Variants in RAI1 observed in about 807,000 individuals in gnomAD.
The protein encoded by RAI1 is retinoic acid induced 1, also known as retinoic acid-induced protein 1.
RAI1 carries 9 observed loss-of-function variants against 123.8 expected under a neutral mutation model. The ratio of observed to expected loss-of-function variants is 0.07; its 90% CI spans 0.04 to 0.13. The LOEUF is 0.13. RAI1 is among the 10% of genes least tolerant of loss of function. RAI1 has a pLI of 1.00. For synonymous variants in RAI1, 1,231 were observed against 1,127.3 expected, an observed-to-expected ratio of 1.09 and a Z score of -1.84; for missense variants, 2,256 against 2,545.8, an observed-to-expected ratio of 0.89 and a Z score of 2.45.
rs377013280 is a variant in RAI1 at position 17,809,348 on chromosome 17, C to T, written c.5660-42C>T. ...AGACAAAACCCCACAGCTGTGGGGC[C>T]CCCACCCTGTCCTAACCACCGAAAC... On this transcript the variant is annotated intron_variant, in intron 4 of 5. Transcript: ENST00000353383. The surrounding 1 kb of genome is among the most constrained non-coding windows in gnomAD (Gnocchi z 4.9). 430 of 1,563,244 alleles carry T rather than the reference C, an allele frequency of 2.8e-4. No homozygotes were observed. Among genetic ancestry groups the T allele is most frequent in the Non-Finnish European group, 3.6e-4 (413 of 1,134,174 alleles).
rs769956854 is a variant in RAI1, at chr17:17,794,241, C to G, written c.1293C>G (p.Ser431Arg). The change falls in exon 3 of 6, where the codon AGC becomes AGG. Residue 431 changes from serine to arginine, a missense_variant. By Grantham distance (110) the Ser-to-Arg change is moderately radical. Coordinates refer to ENST00000353383, the MANE Select transcript of RAI1 (RefSeq NM_030665.4). Reference protein sequence around the residue: ...KLPENLLSDLSLQSLTALTSQ... With the variant: ...KLPENLLSDLRLQSLTALTSQ... Reference sequence around the variant, plus strand: ...CTGAGAACCTGCTGTCGGATCTCAGCCTGCAGAGCCTCACGGCGCTGACCT... The same window carrying G: ...CTGAGAACCTGCTGTCGGATCTCAGGCTGCAGAGCCTCACGGCGCTGACCT... 9 of 1,613,392 alleles carry G rather than the reference C, an allele frequency of 5.6e-6. No individual in the cohort carries two copies. The East Asian group carries it at 2.0e-4, about 36-fold the overall frequency.
At chr17:17,775,534 T>TAACACATTTTGTA (rs1555562627) in intron 2 of RAI1, among the ~76,000 whole-genome samples, 28 of 151,712 alleles carry the variant, frequency 1.8e-4, no homozygotes, top group African/African-American at 6.8e-4. Context: ...CCCAGTCAAT[T>TAACACATTTTGTA]AACACACATT....
chr17:17,712,525 G>C (rs1915596157), intron 1 of RAI1, among the ~76,000 whole-genome samples: 1 of 152,212 alleles, frequency 6.6e-6, no homozygotes, highest in African/African-American at 2.4e-5. Flanking sequence ...TATAAGCTTG[G>C]TTTTAAGTCT....
intron 2 of RAI1, among the ~76,000 whole-genome samples, chr17:17,757,521 G>A (rs534808182): frequency 6.6e-6 from 1 of 152,254 alleles, no homozygotes; most frequent in East Asian, 1.9e-4. Flanking sequence ...CTTCCCCCTC[G>A]GGCACTGCGG....
chr17:17,700,824 C>T (rs996503293), intron 1 of RAI1, among the ~76,000 whole-genome samples: 21 of 152,076 alleles, frequency 1.4e-4, no homozygotes, highest in African/African-American at 4.6e-4. Context: ...CTCCCCCGCG[C>T]CGTCCCCCGG....
chr17:17,701,699 A>G (rs534307505), intron 1 of RAI1, among the ~76,000 whole-genome samples: 2 of 151,764 alleles, frequency 1.3e-5, no homozygotes, highest in South Asian at 2.1e-4. Flanking sequence ...GGCTCAAACA[A>G]CCCTCCCACC....
intron 2 of RAI1, among the ~76,000 whole-genome samples, chr17:17,732,297 G>T (rs1916296814): frequency 6.6e-6 from 1 of 152,206 alleles, no homozygotes; most frequent in African/African-American, 2.4e-5. Context: ...TCAGAGAGAG[G>T]CTGTCTGATG....
At chr17:17,697,765 T>TTG (rs931093909) in intron 1 of RAI1, among the ~76,000 whole-genome samples, 6 of 152,204 alleles carry the variant, frequency 3.9e-5, no homozygotes, top group Non-Finnish European at 5.9e-5. Context: ...CAACGTGTGG[T>TTG]TGTGTGTGTG....
chr17:17,716,663 TTCTG>T (rs1197695098), intron 1 of RAI1, among the ~76,000 whole-genome samples: 1 of 152,176 alleles, frequency 6.6e-6, no homozygotes, highest in Non-Finnish European at 1.5e-5. Flanking sequence ...AACTGTGTGA[TTCTG>T]TCTGACTCTG....
chr17:17,733,431 C>T (rs1916331231), intron 2 of RAI1, among the ~76,000 whole-genome samples: 1 of 152,196 alleles, frequency 6.6e-6, no homozygotes, highest in African/African-American at 2.4e-5. Flanking sequence ...TTGGCAATGC[C>T]TGAATACTAA....
At chr17:17,758,721 T>C (rs2030552543) in intron 2 of RAI1, among the ~76,000 whole-genome samples, 1 of 152,150 alleles carries the variant, frequency 6.6e-6, no homozygotes. Flanking sequence ...ATGATCAACG[T>C]ATGTACGAGG....
At chr17:17,703,451 C>G (rs986286194) in intron 1 of RAI1, among the ~76,000 whole-genome samples, 1 of 152,172 alleles carries the variant, frequency 6.6e-6, no homozygotes, top group African/African-American at 2.4e-5. Flanking sequence ...GCAGTGCATT[C>G]TTGTAGCGTC....
intron 2 of RAI1, among the ~76,000 whole-genome samples, chr17:17,739,601 G>T (rs1306821082): frequency 1.3e-5 from 2 of 152,320 alleles, no homozygotes; most frequent in African/African-American, 4.8e-5. Flanking sequence ...GCTTTGCTCT[G>T]TCTCAGCTCC....
In RAI1 at chr17:17,760,984, A is replaced by G. The variant is rs547507754; in HGVS notation, c.-16-31949A>G. On this transcript the variant is annotated intron_variant, in intron 2 of 5. Transcript: ENST00000353383. ...AAGAACCTCCTAGAACTGCATACTC[A>G]GGGGATAGGCAGCTCATTCACAGTG... 2.6e-5 allele frequency among the ~76,000 whole-genome samples: 4 copies of G among 151,924 alleles called. No individual in the cohort carries two copies. The East Asian group carries it at 7.9e-4, about 30-fold the overall frequency.
chr17:17,724,992 C>G (rs1427250194), intron 2 of RAI1, among the ~76,000 whole-genome samples: 1 of 26 alleles, frequency 0.038, no homozygotes, highest in African/African-American at 0.1. Context: ...TCTCGCACCT[C>G]TGCCGGGGGG....
chr17:17,785,920 C>T (rs556714372), intron 2 of RAI1, among the ~76,000 whole-genome samples: 17 of 152,330 alleles, frequency 1.1e-4, no homozygotes, highest in Non-Finnish European at 2.4e-4. Flanking sequence ...AGGCCACAGA[C>T]AGTGTCTCTT....
intron 2 of RAI1, chr17:17,776,774 C>T (rs2031363211): frequency 6.7e-6 from 1 of 150,136 alleles, no homozygotes; most frequent in Admixed American, 6.7e-5. Flanking sequence ...AGCAATCCTC[C>T]TACCTCAGCT....
At chr17:17,773,626 G>C (rs1435458813) in intron 2 of RAI1, among the ~76,000 whole-genome samples, 4 of 152,186 alleles carry the variant, frequency 2.6e-5, no homozygotes, top group African/African-American at 9.7e-5. Context: ...AAGGGAGGCA[G>C]AGAGAAAAAA....
At chr17:17,808,151 C>T (rs1156701215) in intron 4 of RAI1, among the ~76,000 whole-genome samples, 1 of 151,784 alleles carries the variant, frequency 6.6e-6, no homozygotes, top group Non-Finnish European at 1.5e-5. Context: ...GGAGGGGAGC[C>T]GAGAAGGGGA....
Sources: gnomAD v4.1 joint callset for allele counts (sites outside exome capture counted in the v4.1 genomes callset) on GRCh38, gnomAD v4.1.1 for gene constraint, Gnocchi (gnomAD v3.1) non-coding constraint, MANE v1.5 for transcripts, NCBI Gene and HGNC (gene_info 2026-07-23, HGNC 2026-07-21) for gene names.